OR10G4: variants seen among roughly 807,000 people sequenced by gnomAD.
The protein encoded by OR10G4 is olfactory receptor family 10 subfamily G member 4, also known as olfactory receptor 10G4.
For missense variants in OR10G4, 318 were observed against 388.8 expected (o/e 0.82, Z 1.53); for synonymous variants, 130 against 159.3 (o/e 0.82, Z 1.39).
chr11:124,017,570 A>T lies in OR10G4; in HGVS notation c.*1060A>T, dbSNP rs1247909044. On this transcript the variant is annotated 3_prime_UTR_variant, in exon 2 of 2. Transcript: ENST00000641722. ...AAGCGACATGTGTAAGACCACGACA[A>T]TAGAAATAAAATATTTTCAGATAAA... 1 of 152,262 alleles carries T rather than the reference A, an allele frequency of 6.6e-6. No homozygotes were observed. The highest frequency in any genetic ancestry group is 2.4e-5 in the African/African-American group (1 of 41,470). 9.4% of individuals were successfully genotyped at this position (152,262 alleles called of 1,614,324 possible). A position where few individuals can be genotyped will look rare whatever the true frequency, so the allele number is the denominator to read the frequency against.
chr11:124,017,128 A>C lies in OR10G4; in HGVS notation c.*618A>C, dbSNP rs1006514025. The C allele has an allele frequency of 6.6e-6, 1 of 152,166 alleles. No homozygotes were observed. The highest frequency in any genetic ancestry group is 6.5e-5 in the Admixed American group (1 of 15,268). The allele number at this position is 152,166 out of a possible 1,614,324, so 9.4% of individuals were successfully genotyped here. ...ATCTGAAAACATTTCTAGAAACACT[A>C]TTTTAATTGGCAAGAATAGCTAGCT... On this transcript the variant is annotated 3_prime_UTR_variant, in exon 2 of 2. Coordinates refer to ENST00000641722, the MANE Select transcript of OR10G4 (RefSeq NM_001004462.2).
rs1864038629 is a variant in OR10G4 at position 124,018,360 on chromosome 11, C to T, written c.*1850C>T. The T allele has an allele frequency of 1.3e-5, 2 of 148,572 alleles. No homozygotes were observed. The highest frequency in any genetic ancestry group is 5.0e-5 in the African/African-American group (2 of 40,214). The allele number at this position is 148,572 out of a possible 1,614,324, so 9.2% of individuals were successfully genotyped here. A position where few individuals can be genotyped will look rare whatever the true frequency, so the allele number is the denominator to read the frequency against. On this transcript the variant is annotated 3_prime_UTR_variant, in exon 2 of 2. Coordinates refer to ENST00000641722, the MANE Select transcript of OR10G4 (RefSeq NM_001004462.2). The stretch of plus-strand genomic sequence containing the variant: ...ATGCTATCCCTCCCCCAGCCCCCCA[C>T]CCCCCAAAAGGCCCCCTTGTGTGAT...
chr11:124,016,197 G>C lies in OR10G4; in HGVS notation c.623G>C (p.Gly208Ala), dbSNP rs201229870. The change falls in exon 2 of 2, where the codon GGC becomes GCC. Residue 208 changes from glycine (G) to alanine (A), a missense_variant. Transcript: ENST00000641722. ...GTGGACATTGGGATAGTGGCCTCAG[G>C]CTGCTTTGTCCTGATAGTGCTGTCC... is the stretch of plus-strand genomic sequence containing the variant. ...IFVDIGIVAS[G>A]CFVLIVLSYV... is the part of the protein sequence containing the mutation. The C allele has an allele frequency of 6.2e-7, 1 of 1,614,234 alleles. No homozygotes were observed. Among genetic ancestry groups the C allele is most frequent in the African/African-American group, 1.3e-5 (1 of 75,070 alleles).
chr11:124,015,226 T>C (rs1028954369), intron 1 of OR10G4: 13 of 334,822 alleles, frequency 3.9e-5, no homozygotes, highest in South Asian at 7.2e-5. Flanking sequence ...CCAGCTGACC[T>C]GGCCCACAGA....
intron 1 of OR10G4, among the ~76,000 whole-genome samples, chr11:124,013,809 G>T (rs868607716): frequency 6.6e-6 from 1 of 152,006 alleles, no homozygotes; most frequent in African/African-American, 2.4e-5. Flanking sequence ...CTCTTGCATT[G>T]GTTCTGTTTT....
In OR10G4 at chr11:124,016,057, G is replaced by C; in HGVS notation, c.483G>C (p.Leu161Phe). 1.9e-6 allele frequency: 3 copies of C among 1,613,868 alleles called. No individual in the cohort carries two copies. The highest frequency in any genetic ancestry group is 2.5e-6 in the Non-Finnish European group (3 of 1,179,852). Reference sequence around the variant, plus strand: ...TGCACTCTGCTGTCCAGACCATATTGACTTTCCATTTGCCCTACTGTGGAC... The same window carrying C: ...TGCACTCTGCTGTCCAGACCATATTCACTTTCCATTTGCCCTACTGTGGAC... ...GSLHSAVQTI[L>F]TFHLPYCGPN... The change falls in exon 2 of 2, where the codon TTG becomes TTC. Residue 161 changes from leucine to phenylalanine, a missense_variant. Leu to Phe is a conservative substitution (Grantham distance 22). Coordinates refer to ENST00000641722, the MANE Select transcript of OR10G4 (RefSeq NM_001004462.2).
intron 1 of OR10G4, among the ~76,000 whole-genome samples, chr11:124,014,121 G>T (rs1194601319): frequency 6.6e-6 from 1 of 152,054 alleles, no homozygotes; most frequent in East Asian, 1.9e-4. Context: ...TATGAAGCTT[G>T]GTGCTCTCTG....
Position 124,015,399 on chromosome 11 carries a change from C to A in OR10G4, c.-27-149C>A, listed in dbSNP as rs1056591475. The A allele has an allele frequency of 5.3e-6, 4 of 758,638 alleles. No homozygotes were observed. The African/African-American group carries it at 7.1e-5, about 13-fold the overall frequency. 47.0% of individuals were successfully genotyped at this position (758,638 alleles called of 1,614,324 possible). On this transcript the variant is annotated intron_variant, in intron 1 of 1. Transcript: ENST00000641722. ...TGTGTGAGAGAGGCTGAAATAATTT[C>A]ATCATCATCTCTGTGAGGGAAGCTT...
At position 124,017,176 on chromosome 11, in the gene OR10G4, A is replaced by G. The variant is rs1565591544; in HGVS notation, c.*666A>G. ...GCTATTAATATTTAAAATATTACCA[A>G]TGAATCAATTAGAAATTGTATACTC... is the stretch of plus-strand genomic sequence containing the variant. On this transcript the variant is annotated 3_prime_UTR_variant, in exon 2 of 2. Transcript: ENST00000641722. The G allele has an allele frequency of 6.6e-6, 1 of 152,222 alleles. No homozygotes were observed. The highest frequency in any genetic ancestry group is 2.4e-5 in the African/African-American group (1 of 41,454). 9.4% of individuals were successfully genotyped at this position (152,222 alleles called of 1,614,324 possible). A position where few individuals can be genotyped will look rare whatever the true frequency, so the allele number is the denominator to read the frequency against.
Position 124,016,552 on chromosome 11 carries a change from T to A in OR10G4, c.*42T>A, listed in dbSNP as rs780663624. The A allele has an allele frequency of 7.1e-7, 1 of 1,402,204 alleles. No individual in the cohort carries two copies. Among genetic ancestry groups the A allele is most frequent in the South Asian group, 1.4e-5 (1 of 71,562 alleles). 86.9% of individuals were successfully genotyped at this position (1,402,204 alleles called of 1,614,324 possible). The stretch of plus-strand genomic sequence containing the variant: ...ACACTAGTTTGTTTAAAAATAGTAA[T>A]CTAATTTAGTTATTCATGTGAAATT... On this transcript the variant is annotated 3_prime_UTR_variant, in exon 2 of 2. Transcript: ENST00000641722.
At position 124,015,934 on chromosome 11, in the gene OR10G4, T is replaced by C. The variant is rs769137835; in HGVS notation, c.360T>C (p.Asp120=). The C allele has an allele frequency of 1.2e-6, 2 of 1,613,886 alleles. No individual in the cohort carries two copies. Among genetic ancestry groups the C allele is most frequent in the East Asian group, 4.5e-5 (2 of 44,860 alleles). ...ECFLYTVMSY[D]RYLAISYPLR... ...TCCTCTACACAGTCATGTCCTATGA[T>C]CGCTACTTGGCCATCAGTTACCCGC... Residue 120 remains aspartate (D), a synonymous_variant, in exon 2 of 2, where the codon GAT becomes GAC. Transcript: ENST00000641722.
rs1364994994 is a variant in OR10G4 at position 124,018,143 on chromosome 11, A to G, written c.*1633A>G. ...ACTGTATGACACTTCTTTAGGTAAG[A>G]CACTTTTTAGTGATGCAAAACCTTC... On this transcript the variant is annotated 3_prime_UTR_variant, in exon 2 of 2. Transcript: ENST00000641722. 6.6e-6 allele frequency: 1 copy of G among 152,234 alleles called. No individual in the cohort carries two copies. Among genetic ancestry groups the G allele is most frequent in the Non-Finnish European group, 1.5e-5 (1 of 68,034 alleles). The allele number at this position is 152,234 out of a possible 1,614,324, so 9.4% of individuals were successfully genotyped here. A position where few individuals can be genotyped will look rare whatever the true frequency, so the allele number is the denominator to read the frequency against.
chr11:124,014,362 A>G (rs1394296714), intron 1 of OR10G4, among the ~76,000 whole-genome samples: 4 of 152,248 alleles, frequency 2.6e-5, no homozygotes, highest in Admixed American at 6.5e-5. Flanking sequence ...TGGCAAATCC[A>G]TAACACTGCT....
chr11:124,013,420 G>C (rs1188224889), intron 1 of OR10G4, among the ~76,000 whole-genome samples: 4 of 152,282 alleles, frequency 2.6e-5, no homozygotes, highest in Admixed American at 1.3e-4. Flanking sequence ...CTGTATTCCT[G>C]AGGATTGGGT....
In OR10G4 at chr11:124,016,480, A is replaced by G. The variant is rs148404016; in HGVS notation, c.906A>G (p.Arg302=). Residue 302 remains arginine, a synonymous_variant, in exon 2 of 2, where the codon AGA becomes AGG. Transcript: ENST00000641722. ...TGAAGAAAGCTGTGTTGAAACTTAG[A>G]GACAAAGTAGCACATCCTCAGAGGA... ...KEVKKAVLKL[R]DKVAHPQRK is the part of the protein sequence containing the mutation. The G allele has an allele frequency of 1.3e-3, 2,015 of 1,600,998 alleles. 12 individuals carry two copies. The African/African-American group carries it at 0.022, about 17-fold the overall frequency.
Position 124,018,359 on chromosome 11 carries a change from A to AC in OR10G4, c.*1855dup, listed in dbSNP as rs1334713838. The AC allele has an allele frequency of 4.7e-5, 1 of 21,082 alleles. No homozygotes were observed. Among genetic ancestry groups the AC allele is most frequent in the Non-Finnish European group, 1.1e-4 (1 of 8,978 alleles). The allele number at this position is 21,082 out of a possible 1,614,324, so 1.3% of individuals were successfully genotyped here. ...AATGCTATCCCTCCCCCAGCCCCCC[A>AC]CCCCCCAAAAGGCCCCCTTGTGTGA... is the stretch of plus-strand genomic sequence containing the variant. On this transcript the variant is annotated 3_prime_UTR_variant, in exon 2 of 2. Coordinates refer to ENST00000641722, the MANE Select transcript of OR10G4 (RefSeq NM_001004462.2).
chr11:124,014,541 C>A (rs1359976803), intron 1 of OR10G4, among the ~76,000 whole-genome samples: 1 of 152,224 alleles, frequency 6.6e-6, no homozygotes, highest in Non-Finnish European at 1.5e-5. Context: ...CCTGCACCCA[C>A]TTTCCGGCAC....
Position 124,017,586 on chromosome 11 carries a change from T to G in OR10G4, c.*1076T>G, listed in dbSNP as rs540910877. ...ACCACGACAATAGAAATAAAATATT[T>G]TCAGATAAATATAAAATTTGCTGAA... On this transcript the variant is annotated 3_prime_UTR_variant, in exon 2 of 2. Transcript: ENST00000641722. The G allele has an allele frequency of 3.9e-5, 6 of 152,216 alleles. No homozygotes were observed. The highest frequency in any genetic ancestry group is 8.8e-5 in the Non-Finnish European group (6 of 68,036). 9.4% of individuals were successfully genotyped at this position (152,216 alleles called of 1,614,324 possible).
In OR10G4 at chr11:124,016,281, C is replaced by A; in HGVS notation, c.707C>A (p.Ala236Asp). The change falls in exon 2 of 2, where the codon GCC (alanine) becomes GAC (aspartate). Residue 236 changes from alanine to aspartate, a missense_variant. Physicochemically the swap from Ala to Asp is moderately radical, Grantham distance 126. Coordinates refer to ENST00000641722, the MANE Select transcript of OR10G4 (RefSeq NM_001004462.2). Reference protein sequence around the residue: ...RIRTSDGRRRAFQTCASHCIV... With the variant: ...RIRTSDGRRRDFQTCASHCIV... ...CGCACCTCAGATGGGAGGCGCAGAG[C>A]CTTTCAGACCTGTGCCTCCCACTGT... 2 of 1,614,174 alleles carry A rather than the reference C, an allele frequency of 1.2e-6. No individual in the cohort carries two copies. The highest frequency in any genetic ancestry group is 2.2e-5 in the East Asian group (1 of 44,876).
Sources: allele counts gnomAD v4.1 joint callset (sites outside exome capture counted in the v4.1 genomes callset), GRCh38; gene constraint gnomAD v4.1.1; transcripts MANE v1.5; gene names NCBI Gene and HGNC (gene_info 2026-07-23, HGNC 2026-07-21).